FOCAD: variants seen among roughly 807,000 people sequenced by gnomAD.
The protein encoded by FOCAD is KIAA1797.
A neutral mutation model predicts 225.6 loss-of-function variants in FOCAD; 198 were observed. The ratio of observed to expected loss-of-function variants is 0.88; its 90% confidence interval spans 0.78 to 0.99. FOCAD has a LOEUF of 0.99. Among genes scored for constraint, FOCAD ranks in the 50% least tolerant of loss-of-function variants. FOCAD has a pLI of 0.00. For missense variants in FOCAD, 2,713 were observed against 2,123.6 expected, an observed-to-expected ratio of 1.28 and a Z score of -5.46; for synonymous variants, 897 against 755.0, an observed-to-expected ratio of 1.19 and a Z score of -3.08.
At chr9:20,952,884 C>T (rs575063757) in intron 34 of FOCAD, 101 bp from the exon 35 acceptor site, 1 of 878,482 alleles carries the variant, frequency 1.1e-6, no homozygotes, top group Non-Finnish European at 1.9e-6. Context: ...TAAACATCTC[C>T]ACTTTGTCTC....
chr9:20,740,163 T>C (rs1210486161), intron 4 of FOCAD, 73 bp from the exon 5 acceptor site: 1 of 962,240 alleles, frequency 1.0e-6, no homozygotes, highest in Non-Finnish European at 1.6e-6. Flanking sequence ...TATTTTAAAA[T>C]GATAGGATTA....
At chr9:20,775,321 A>C (rs1254465115) in intron 8 of FOCAD, among the ~76,000 whole-genome samples, 1 of 152,192 alleles carries the variant, frequency 6.6e-6, no homozygotes, top group Non-Finnish European at 1.5e-5. Context: ...GCTCACTGGG[A>C]GGAGATTGGG....
chr9:20,722,671 A>C (rs1414503512), intron 4 of FOCAD, among the ~76,000 whole-genome samples: 3 of 152,240 alleles, frequency 2.0e-5, no homozygotes, highest in Non-Finnish European at 2.9e-5. Flanking sequence ...TAAACACAAA[A>C]ATTTTAGAAT....
intron 15 of FOCAD, among the ~76,000 whole-genome samples, chr9:20,849,594 G>T (rs534657718): frequency 2.0e-5 from 3 of 151,920 alleles, no homozygotes; most frequent in African/African-American, 7.2e-5. Flanking sequence ...ACTCTCAAGA[G>T]ATTTGGGTCC....
chr9:20,709,115 T>C (rs906669949), intron 1 of FOCAD, among the ~76,000 whole-genome samples: 1 of 152,212 alleles, frequency 6.6e-6, no homozygotes, highest in African/African-American at 2.4e-5. Context: ...CTTTTATTAG[T>C]GCAATTGATA....
At chr9:20,950,015 G>T (rs1436990957) in intron 33 of FOCAD, among the ~76,000 whole-genome samples, 1 of 152,096 alleles carries the variant, frequency 6.6e-6, no homozygotes, top group Non-Finnish European at 1.5e-5. Flanking sequence ...TGGTAGAAAG[G>T]TCAAGAGGCA....
chr9:20,866,975 G>C lies in FOCAD; in HGVS notation c.2153G>C (p.Ser718Thr), dbSNP rs7875872. The stretch of plus-strand genomic sequence containing the variant: ...GCATATAGATCCCTGGCCAACTTTA[G>C]TGCAGGAGAACACACCATTCTTCAT... ...NAAYRSLANF[S>T]AGEHTILHLP... The change falls in exon 18 of 44, where the codon AGT (serine) becomes ACT (threonine). Residue 718 changes from serine to threonine, a missense_variant. By Grantham distance (58) the Ser-to-Thr change is moderately conservative (BLOSUM62 1). Coordinates refer to ENST00000338382, the MANE Select transcript of FOCAD (RefSeq NM_001375567.1). 6 of 1,428,160 alleles carry C rather than the reference G, an allele frequency of 4.2e-6. No individual in the cohort carries two copies. The highest frequency in any genetic ancestry group is 1.6e-5 in the African/African-American group (1 of 62,196). 88.5% of individuals were successfully genotyped at this position (1,428,160 alleles called of 1,614,324 possible). A position where few individuals can be genotyped will look rare whatever the true frequency, so the allele number is the denominator to read the frequency against.
intron 1 of FOCAD, among the ~76,000 whole-genome samples, chr9:20,686,371 G>T (rs547377261): frequency 6.6e-6 from 1 of 152,242 alleles, no homozygotes; most frequent in African/African-American, 2.4e-5. Flanking sequence ...TGGCCAGGCT[G>T]GTCTCGAAAT....
At chr9:20,897,949 T>A (rs1258212731) in intron 21 of FOCAD, among the ~76,000 whole-genome samples, 1 of 151,870 alleles carries the variant, frequency 6.6e-6, no homozygotes. Context: ...TTTCTCAAAT[T>A]TTGCTTGTCT....
Position 20,972,038 on chromosome 9 carries a change from A to G in FOCAD, c.4133-4382A>G, listed in dbSNP as rs1039913654. Among the ~76,000 whole-genome samples the G allele has an allele frequency of 5.9e-5, 9 of 152,278 alleles. No homozygotes were observed. In the East Asian group the frequency reaches 1.7e-3, roughly 29 times the overall value. On this transcript the variant is annotated intron_variant, in intron 35 of 43. Coordinates refer to ENST00000338382, the MANE Select transcript of FOCAD (RefSeq NM_001375567.1). ...TTGCTTTTACCAATTGGCTGTTGTG[A>G]ATAATGCTGCTATGAACATGGGTTT...
At chr9:20,814,571 G>A (rs1222527100) in intron 11 of FOCAD, among the ~76,000 whole-genome samples, 1 of 151,934 alleles carries the variant, frequency 6.6e-6, no homozygotes, top group Non-Finnish European at 1.5e-5. Context: ...TGACCAGGCT[G>A]GTCTTGAACT....
chr9:20,916,995 T>C (rs1474814962), intron 24 of FOCAD, 58 bp downstream of exon 24: 1 of 1,365,024 alleles, frequency 7.3e-7, no homozygotes, highest in Non-Finnish European at 1.0e-6. Context: ...TCCTGGCAGG[T>C]ACATACATTT....
intron 10 of FOCAD, among the ~76,000 whole-genome samples, chr9:20,785,873 G>T (rs1012971897): frequency 6.6e-6 from 1 of 152,150 alleles, no homozygotes; most frequent in African/African-American, 2.4e-5. Context: ...ATTCCCACCA[G>T]CAGTGTATGA....
At position 20,898,377 on chromosome 9, in the gene FOCAD, T is replaced by C. The variant is rs147644136; in HGVS notation, c.2626-8773T>C. On this transcript the variant is annotated intron_variant, in intron 21 of 43. Coordinates refer to ENST00000338382, the MANE Select transcript of FOCAD (RefSeq NM_001375567.1). ...TCCTATTATGTGTATGTTATAACTTTTGTAGTTGTCCCACGGTTCTTAGAT... is the reference window on the plus strand; with the variant it reads ...TCCTATTATGTGTATGTTATAACTTCTGTAGTTGTCCCACGGTTCTTAGAT... Among the ~76,000 whole-genome samples the C allele has an allele frequency of 8.6e-5, 13 of 151,938 alleles. No individual in the cohort carries two copies. In the East Asian group the frequency reaches 2.5e-3, roughly 29 times the overall value.
intron 5 of FOCAD, among the ~76,000 whole-genome samples, chr9:20,752,791 G>A (rs1036855103): frequency 6.6e-6 from 1 of 152,142 alleles, no homozygotes; most frequent in African/African-American, 2.4e-5. Context: ...CTACCCATGA[G>A]CATGGAAAGT....
chr9:20,678,385 A>T (rs935712414), intron 2 of FOCAD, among the ~76,000 whole-genome samples: 7 of 152,182 alleles, frequency 4.6e-5, no homozygotes, highest in Non-Finnish European at 8.8e-5. Context: ...CTTTAAGCTG[A>T]CTGCAGACAT....
At chr9:20,991,852 C>G (rs1841705205) in intron 42 of FOCAD, among the ~76,000 whole-genome samples, 1 of 151,330 alleles carries the variant, frequency 6.6e-6, no homozygotes, top group Admixed American at 6.6e-5. Flanking sequence ...TGTGGTCTTC[C>G]CATATATTAT....
In FOCAD at chr9:20,693,497, A is replaced by G. The variant is rs200006849; in HGVS notation, c.-33+9204A>G. ...CTTGCCTCTACTAGGAATGTAATCT[A>G]TAAGGGCAGGGATTTTTCTCTGTTT... is the stretch of plus-strand genomic sequence containing the variant. On this transcript the variant is annotated intron_variant, in intron 1 of 43. Transcript: ENST00000338382. Among the ~76,000 whole-genome samples, 22 of 152,332 alleles carry G rather than the reference A, an allele frequency of 1.4e-4. No homozygotes were observed. In the East Asian group the frequency reaches 2.5e-3, roughly 17 times the overall value.
rs141320398 is a variant in FOCAD at position 20,904,111 on chromosome 9, A to G, written c.2626-3039A>G. On this transcript the variant is annotated intron_variant, in intron 21 of 43. Transcript: ENST00000338382. ...ACTTCATTCTTTTTGTGACTGAATA[A>G]TATTTCATTATATGCATATTACATA... 2.9e-3 allele frequency among the ~76,000 whole-genome samples: 437 copies of G among 152,070 alleles called. 3 individuals are homozygous for G. The highest frequency in any genetic ancestry group is 9.4e-3 in the African/African-American group (391 of 41,520).
Sources: gnomAD v4.1 joint callset for allele counts (sites outside exome capture counted in the v4.1 genomes callset) on GRCh38, gnomAD v4.1.1 for gene constraint, MANE v1.5 for transcripts, NCBI Gene and HGNC (gene_info 2026-07-23, HGNC 2026-07-21) for gene names.